PLB1: variants seen among roughly 807,000 people sequenced by gnomAD.
The protein encoded by PLB1 is phospholipase B1, membrane-associated.
A neutral mutation model predicts 227.4 loss-of-function variants in PLB1; 242 were observed. The observed-to-expected ratio is 1.06, with a 90% CI of 0.96 to 1.18. The LOEUF (loss-of-function observed/expected upper bound fraction) is 1.18, where lower values mean the gene tolerates loss of function less well. PLB1 is among the 50% of genes most tolerant of loss of function. PLB1 has a pLI of 0.00. For synonymous variants in PLB1, 757 were observed against 682.2 expected (o/e 1.11, Z -1.71); for missense variants, 1,858 against 1,816.3 (o/e 1.02, Z -0.42).
chr2:28,605,325 C>G (rs1431081590), intron 41 of PLB1, among the ~76,000 whole-genome samples: 1 of 152,128 alleles, frequency 6.6e-6, no homozygotes, highest in Non-Finnish European at 1.5e-5. Context: ...GCTGCCATCC[C>G]AAGAGCCTCA....
chr2:28,596,855 A>C (rs958764395), intron 33 of PLB1, among the ~76,000 whole-genome samples: 2 of 152,248 alleles, frequency 1.3e-5, no homozygotes, highest in Non-Finnish European at 2.9e-5. Flanking sequence ...CCACTCTGGC[A>C]TGCAATAGTC....
intron 50 of PLB1, 62 bp from the exon 51 acceptor site, chr2:28,626,366 A>G: frequency 7.0e-7 from 1 of 1,433,520 alleles, no homozygotes; most frequent in Non-Finnish European, 9.8e-7. Flanking sequence ...GGGCTGGCCC[A>G]GTAGCAACAT....
At chr2:28,537,582 T>C (rs747607317) in intron 9 of PLB1, among the ~76,000 whole-genome samples, 1 of 140,322 alleles carries the variant, frequency 7.1e-6, no homozygotes, top group Non-Finnish European at 1.5e-5. Context: ...TCCCAGCTAC[T>C]CAGGAGGTGG....
rs139396774 is a variant in PLB1 at position 28,604,048 on chromosome 2, G to T, written c.2856+1G>T. On this transcript the variant is annotated splice_donor_variant, in intron 40 of 57. Transcript: ENST00000327757. LOFTEE classifies it high-confidence loss of function. The stretch of plus-strand genomic sequence containing the variant: ...GGAGGCCTTCAGCCGAGCCTACCGG[G>T]TAAGACCAAGAAGGGCACCATGCTG... The T allele has an allele frequency of 6.2e-7, 1 of 1,612,258 alleles. No individual in the cohort carries two copies. The highest frequency in any genetic ancestry group is 8.5e-7 in the Non-Finnish European group (1 of 1,178,220).
Position 28,552,990 on chromosome 2 carries a change from A to G in PLB1, c.1146A>G (p.Ser382=), listed in dbSNP as rs1674487032. ...DKDPSDTVPT[S]VHRLKPADIN... is the part of the protein sequence containing the mutation. ...ACCCCTCCGATACGGTTCCCACCTCAGGTACACAGCTTGCACCCAGTGATT... is the reference window on the plus strand; with the variant it reads ...ACCCCTCCGATACGGTTCCCACCTCGGGTACACAGCTTGCACCCAGTGATT... Residue 382 remains serine (S), a splice_region_variant and synonymous_variant, in exon 17 of 58, where the codon TCA becomes TCG. Coordinates refer to ENST00000327757, the MANE Select transcript of PLB1 (RefSeq NM_153021.5). 6.2e-7 allele frequency: 1 copy of G among 1,612,922 alleles called. No homozygotes were observed. The highest frequency in any genetic ancestry group is 8.5e-7 in the Non-Finnish European group (1 of 1,178,998).
intron 14 of PLB1, among the ~76,000 whole-genome samples, chr2:28,544,187 T>C (rs778916786): frequency 3.3e-5 from 5 of 152,106 alleles, no homozygotes; most frequent in Admixed American, 1.3e-4. Context: ...TCCCTGGCAC[T>C]GGAAACCTAC....
At chr2:28,499,220 G>A (rs1666808974) in intron 1 of PLB1, among the ~76,000 whole-genome samples, 1 of 151,674 alleles carries the variant, frequency 6.6e-6, no homozygotes, top group Non-Finnish European at 1.5e-5. Context: ...TATTAGGTTG[G>A]TGCAAAAGTG....
At chr2:28,556,463 C>A (rs534838503) in intron 17 of PLB1, among the ~76,000 whole-genome samples, 3 of 152,158 alleles carry the variant, frequency 2.0e-5, no homozygotes, top group Non-Finnish European at 4.4e-5. Flanking sequence ...AAACTTGCAA[C>A]TTTTTCCTCC....
intron 5 of PLB1, 38 bp from the exon 6 acceptor site, chr2:28,525,867 A>G (rs1178152058): frequency 1.2e-6 from 2 of 1,612,550 alleles, no homozygotes; most frequent in Non-Finnish European, 1.7e-6. Context: ...GGTGACACAA[A>G]TGCAGCCTGA....
chr2:28,641,692 T>G (rs1265252630), intron 57 of PLB1, among the ~76,000 whole-genome samples: 1 of 152,076 alleles, frequency 6.6e-6, no homozygotes, highest in Non-Finnish European at 1.5e-5. Flanking sequence ...ATAGACTCAG[T>G]GTCTGTTCCT....
chr2:28,542,149 A>C (rs1005576264), intron 13 of PLB1, among the ~76,000 whole-genome samples: 1 of 139,320 alleles, frequency 7.2e-6, no homozygotes, highest in Admixed American at 7.1e-5. Context: ...AAAAAAAAAA[A>C]GTGTGAAGAG....
At position 28,629,586 on chromosome 2, in the gene PLB1, C is replaced by T. The variant is rs7560592; in HGVS notation, c.3818+401C>T. On this transcript the variant is annotated intron_variant, in intron 53 of 57. Coordinates refer to ENST00000327757, the MANE Select transcript of PLB1 (RefSeq NM_153021.5). ...ATGGGACCTTGAACAAACCACATAA[C>T]CTCTATGAGCCTCTGTGTTCCTCAT... Among the ~76,000 whole-genome samples the T allele has an allele frequency of 0.016, 2,435 of 152,306 alleles. 159 individuals carry two copies. The East Asian group carries it at 0.23, about 15-fold the overall frequency.
chr2:28,552,800 A>T, intron 16 of PLB1, 128 bp from the exon 17 acceptor site: 1 of 736,510 alleles, frequency 1.4e-6, no homozygotes, highest in Non-Finnish European at 2.4e-6. Context: ...GGAGAGGGAG[A>T]AATCTTAAAT....
chr2:28,528,371 G>A (rs1255081797), intron 6 of PLB1, among the ~76,000 whole-genome samples: 1 of 152,192 alleles, frequency 6.6e-6, no homozygotes, highest in Non-Finnish European at 1.5e-5. Flanking sequence ...TCAGGAGCAA[G>A]ACACAACTTA....
intron 17 of PLB1, among the ~76,000 whole-genome samples, chr2:28,553,436 G>A (rs1051285174): frequency 4.6e-5 from 7 of 152,314 alleles, no homozygotes; most frequent in African/African-American, 1.4e-4. Context: ...TCTTATGAAC[G>A]CGCCATCTTC....
At chr2:28,528,039 G>T (rs145493417) in intron 6 of PLB1, among the ~76,000 whole-genome samples, 1 of 152,276 alleles carries the variant, frequency 6.6e-6, no homozygotes, top group East Asian at 1.9e-4. Context: ...CAAGCCAATC[G>T]GGGGTTAGAG....
At position 28,519,680 on chromosome 2, in the gene PLB1, C is replaced by T. The variant is rs567339479; in HGVS notation, c.185-25C>T. ...TCATGGGGAATGTAGATCTGACCTT[C>T]CTATATGGGTTCTTGTCTCCACAGT... On this transcript the variant is annotated intron_variant, in intron 3 of 57. Coordinates refer to ENST00000327757, the MANE Select transcript of PLB1 (RefSeq NM_153021.5). 6.3e-6 allele frequency: 10 copies of T among 1,574,994 alleles called. No homozygotes were observed. The Admixed American group carries it at 1.3e-4, about 21-fold the overall frequency.
chr2:28,519,922 T>A (rs1669292393), intron 4 of PLB1, among the ~76,000 whole-genome samples, 159 bp downstream of exon 4: 1 of 151,758 alleles, frequency 6.6e-6, no homozygotes, highest in Non-Finnish European at 1.5e-5. Flanking sequence ...TTATTTTATT[T>A]TATTATTTAT....
chr2:28,565,745 C>T (rs541820471), intron 19 of PLB1, among the ~76,000 whole-genome samples: 2 of 152,286 alleles, frequency 1.3e-5, no homozygotes, highest in South Asian at 2.1e-4. Flanking sequence ...TGGGCAAGTT[C>T]CCTAACCTCT....
Sources: gnomAD v4.1 joint callset for allele counts (sites outside exome capture counted in the v4.1 genomes callset) on GRCh38, gnomAD v4.1.1 for gene constraint, MANE v1.5 for transcripts, NCBI Gene and HGNC (gene_info 2026-07-23, HGNC 2026-07-21) for gene names.